AOPEP: variants seen among roughly 807,000 people sequenced by gnomAD.
AOPEP encodes the protein aminopeptidase O.
Under a neutral mutation model 98.1 loss-of-function variants are expected in AOPEP, and 77 were observed. That is an observed-to-expected ratio of 0.78 (90% confidence interval 0.65 to 0.95). The LOEUF (loss-of-function observed/expected upper bound fraction) is 0.95, where lower values mean the gene tolerates loss of function less well. Among genes scored for constraint, AOPEP ranks in the 40% least tolerant of loss-of-function variants. AOPEP has a pLI of 0.00. For synonymous variants in AOPEP, 346 were observed against 365.3 expected (o/e 0.95, Z 0.60); for missense variants, 1,024 against 1,024.7 (o/e 1.00, Z 0.01).
chr9:95,146,773 G>A, the AOPEP span, among the ~76,000 whole-genome samples: 5 of 151,840 alleles, frequency 3.3e-5, no homozygotes, highest in Non-Finnish European at 7.4e-5. Context: ...AGTAGTCAGA[G>A]GCCATGCAAC....
chr9:95,007,972 A>G (rs998674920), intron 13 of AOPEP, among the ~76,000 whole-genome samples: 1 of 152,216 alleles, frequency 6.6e-6, no homozygotes, highest in African/African-American at 2.4e-5. Flanking sequence ...AACGTTTGCC[A>G]TGTCACAAGT....
rs541268865 is a variant in AOPEP, at chr9:94,972,607, T to C, written c.1916+4806T>C. ...TTTATAAGTGTGACCTCAGCAATCTTTATTATCTACCCAAGCACAAATGAA... is the reference window on the plus strand; with the variant it reads ...TTTATAAGTGTGACCTCAGCAATCTCTATTATCTACCCAAGCACAAATGAA... On this transcript the variant is annotated intron_variant, in intron 10 of 16. Transcript: ENST00000375315. This position sits in a 1 kb window ranked among gnomAD's most constrained non-coding sequence, Gnocchi z 4.2. Among the ~76,000 whole-genome samples, 132 of 152,322 alleles carry C rather than the reference T, an allele frequency of 8.7e-4. No individual in the cohort carries two copies. Among genetic ancestry groups the C allele is most frequent in the African/African-American group, 3.0e-3 (124 of 41,568 alleles).
chr9:95,147,572 AT>A, the AOPEP span, among the ~76,000 whole-genome samples: 1 of 152,226 alleles, frequency 6.6e-6, no homozygotes, highest in South Asian at 2.1e-4. Context: ...TCTCTGACTC[AT>A]GAGATGGAGA....
intron 2 of AOPEP, among the ~76,000 whole-genome samples, chr9:94,772,404 C>T (rs985298274): frequency 6.6e-6 from 1 of 152,160 alleles, no homozygotes; most frequent in Non-Finnish European, 1.5e-5. Context: ...GACTCTGCGC[C>T]CTTGGCTTTC....
intron 13 of AOPEP, among the ~76,000 whole-genome samples, chr9:95,006,652 C>A (rs1054278125): frequency 1.3e-5 from 2 of 152,020 alleles, no homozygotes; most frequent in African/African-American, 4.8e-5. Context: ...AAAGGGGGAC[C>A]CCACCCCTTT....
At chr9:94,899,274 T>G (rs2050059476) in intron 5 of AOPEP, among the ~76,000 whole-genome samples, 1 of 127,224 alleles carries the variant, frequency 7.9e-6, no homozygotes, top group Non-Finnish European at 1.6e-5. Context: ...AAGCTCCGCC[T>G]CCTGGGTTCA....
At chr9:94,780,535 C>T (rs1843023776) in intron 3 of AOPEP, among the ~76,000 whole-genome samples, 1 of 152,184 alleles carries the variant, frequency 6.6e-6, no homozygotes, top group Admixed American at 6.5e-5. Flanking sequence ...ACTGCAATTC[C>T]TCCCACAGAC....
intron 11 of AOPEP, chr9:95,004,371 C>A (rs1589230708): frequency 4.6e-6 from 2 of 438,654 alleles, no homozygotes; most frequent in East Asian, 7.2e-5. Flanking sequence ...GGGTCCACGG[C>A]AGTCTGAGGG....
At chr9:94,817,447 A>G (rs916646634) in intron 5 of AOPEP, among the ~76,000 whole-genome samples, 6 of 152,308 alleles carry the variant, frequency 3.9e-5, no homozygotes, top group Admixed American at 1.3e-4. Flanking sequence ...GGTGCTTACA[A>G]TTGGCCAGCT....
At chr9:95,114,800 G>A in the AOPEP span, 1 of 1,079,248 alleles carries the variant, frequency 9.3e-7, no homozygotes, top group Non-Finnish European at 1.4e-6. Context: ...AAGAGTCTTT[G>A]GGAGACGCCC....
chr9:94,746,790 A>T (rs756567304), intron 1 of AOPEP, among the ~76,000 whole-genome samples: 13 of 152,172 alleles, frequency 8.5e-5, no homozygotes, highest in African/African-American at 2.9e-4. Context: ...ATCACATCAC[A>T]TCATGTTTCA....
At chr9:94,948,495 C>T (rs1393093995) in intron 7 of AOPEP, among the ~76,000 whole-genome samples, 1 of 151,758 alleles carries the variant, frequency 6.6e-6, no homozygotes, top group Non-Finnish European at 1.5e-5. Context: ...ACAAATTTTG[C>T]CCCGCCCCCC....
At chr9:94,931,719 C>G (rs1230905163) in intron 7 of AOPEP, 7 of 1,548,960 alleles carry the variant, frequency 4.5e-6, no homozygotes, top group Non-Finnish European at 6.1e-6. Flanking sequence ...TGATAGGTTT[C>G]CACATGTTGG....
chr9:94,993,250 A>T (rs772586810), intron 11 of AOPEP, among the ~76,000 whole-genome samples: 1 of 152,198 alleles, frequency 6.6e-6, no homozygotes, highest in Non-Finnish European at 1.5e-5. Context: ...TCTAAGATAC[A>T]TTTTGAGACA....
chr9:94,849,502 CTTTCT>C (rs1285606930), intron 5 of AOPEP, among the ~76,000 whole-genome samples: 2 of 66,280 alleles, frequency 3.0e-5, no homozygotes, highest in Admixed American at 4.3e-4. Flanking sequence ...TTCTTTCTTT[CTTTCT>C]TTTTTTTTTT....
chr9:95,039,748 A>ATTCG (rs2065132210), intron 13 of AOPEP, among the ~76,000 whole-genome samples: 1 of 151,850 alleles, frequency 6.6e-6, no homozygotes, highest in South Asian at 2.1e-4. Context: ...TCATTCATTC[A>ATTCG]TTCATTCATT....
At chr9:94,770,061 G>C (rs554941339) in intron 2 of AOPEP, among the ~76,000 whole-genome samples, 249 of 152,256 alleles carry the variant, frequency 1.6e-3, no homozygotes, top group African/African-American at 5.7e-3. Context: ...TTCTGAGGCA[G>C]GTCTGATTTC....
In AOPEP at chr9:94,972,744, GCC is replaced by G. The variant is rs2059608773; in HGVS notation, c.1916+4944_1916+4945del. Among the ~76,000 whole-genome samples the G allele has an allele frequency of 6.6e-6, 1 of 152,098 alleles. No homozygotes were observed. The highest frequency in any genetic ancestry group is 1.5e-5 in the Non-Finnish European group (1 of 68,032). On this transcript the variant is annotated intron_variant, in intron 10 of 16. Coordinates refer to ENST00000375315, the MANE Select transcript of AOPEP (RefSeq NM_001193329.3). This position sits in a 1 kb window ranked among gnomAD's most constrained non-coding sequence, Gnocchi z 4.2. ...CTTTTAGCTTAGGAGTTGGAGACCA[GCC>G]TGGCCAACATGGTAAAATCCCATCT...
At chr9:95,135,663 T>C in the AOPEP span, 2 of 636,236 alleles carry the variant, frequency 3.1e-6, no homozygotes, top group Middle Eastern at 4.3e-4. Context: ...ATTTACCAAG[T>C]GCTCATTTGC....
Sources: gnomAD v4.1 joint callset for allele counts (sites outside exome capture counted in the v4.1 genomes callset) on GRCh38, gnomAD v4.1.1 for gene constraint, Gnocchi (gnomAD v3.1) non-coding constraint, MANE v1.5 for transcripts, NCBI Gene and HGNC (gene_info 2026-07-23, HGNC 2026-07-21) for gene names.